NAV2: variants seen among roughly 807,000 people sequenced by gnomAD.
NAV2 encodes the protein helicase, APC down-regulated 1.
Under a neutral mutation model 223.2 loss-of-function variants are expected in NAV2, and 54 were observed. That is an observed-to-expected ratio of 0.24 (90% confidence interval 0.19 to 0.30). NAV2 has a LOEUF of 0.30. Among genes scored for constraint, NAV2 ranks in the 10% least tolerant of loss-of-function variants. The pLI is 1.00. For missense variants in NAV2, 2,806 were observed against 3,147.5 expected, an observed-to-expected ratio of 0.89 and a Z score of 2.60; for synonymous variants, 1,279 against 1,239.3, an observed-to-expected ratio of 1.03 and a Z score of -0.67.
At chr11:19,372,679 A>G (rs961824157) in intron 1 of NAV2, among the ~76,000 whole-genome samples, 9 of 152,162 alleles carry the variant, frequency 5.9e-5, no homozygotes, top group Non-Finnish European at 1.3e-4. Context: ...CTCCGCTCCA[A>G]AATCCTACCT....
chr11:20,029,185 G>A (rs183915101), intron 11 of NAV2, among the ~76,000 whole-genome samples: 9 of 152,280 alleles, frequency 5.9e-5, no homozygotes, highest in Admixed American at 1.3e-4. Flanking sequence ...AAGGACGTCC[G>A]TTGGAAAGGA....
At chr11:19,583,246 G>A (rs2045781220) in intron 1 of NAV2, among the ~76,000 whole-genome samples, 2 of 152,186 alleles carry the variant, frequency 1.3e-5, no homozygotes, top group Admixed American at 1.3e-4. Context: ...AGACTTTGCT[G>A]AAGTTGCTTA....
At chr11:19,852,164 G>T (rs931784570) in intron 3 of NAV2, among the ~76,000 whole-genome samples, 2 of 152,230 alleles carry the variant, frequency 1.3e-5, no homozygotes, top group Middle Eastern at 3.2e-3. Flanking sequence ...TAATACATCT[G>T]TATTGTTTTA....
chr11:19,881,559 C>A (rs1350521383), intron 5 of NAV2, among the ~76,000 whole-genome samples: 1 of 152,064 alleles, frequency 6.6e-6, no homozygotes, highest in Non-Finnish European at 1.5e-5. Context: ...CTATATGGCT[C>A]TCATTGTAGG....
At chr11:20,050,572 G>GAAA (rs1260684558) in intron 16 of NAV2, among the ~76,000 whole-genome samples, 2 of 70,122 alleles carry the variant, frequency 2.9e-5, no homozygotes, top group African/African-American at 9.0e-5. Context: ...TCTCCTGCCA[G>GAAA]AAAAAAAAAA....
chr11:19,763,791 GTTTTTTTT>G (rs762421034), intron 1 of NAV2, among the ~76,000 whole-genome samples: 4 of 126,152 alleles, frequency 3.2e-5, no homozygotes, highest in South Asian at 2.5e-4. Flanking sequence ...TTGTTTTTTT[GTTTTTTTT>G]GTTTTTTTTT....
At chr11:19,841,653 G>A (rs1213512697) in intron 2 of NAV2, among the ~76,000 whole-genome samples, 1 of 152,146 alleles carries the variant, frequency 6.6e-6, no homozygotes, top group Non-Finnish European at 1.5e-5. Context: ...TGAGGACAGA[G>A]GCCTGAGTGT....
intron 1 of NAV2, among the ~76,000 whole-genome samples, chr11:19,564,113 A>G (rs2045187154): frequency 6.6e-6 from 1 of 152,104 alleles, no homozygotes; most frequent in Non-Finnish European, 1.5e-5. Context: ...CTACCCCTCC[A>G]GGGAAGATGA....
chr11:19,521,791 C>G (rs569486026), intron 1 of NAV2, among the ~76,000 whole-genome samples: 1 of 152,172 alleles, frequency 6.6e-6, no homozygotes, highest in Non-Finnish European at 1.5e-5. Context: ...TGCCAACGGT[C>G]GCTCCAGCAG....
chr11:19,859,471 C>G (rs1432973168), intron 3 of NAV2, among the ~76,000 whole-genome samples: 2 of 148,292 alleles, frequency 1.3e-5, no homozygotes, highest in Admixed American at 6.8e-5. Flanking sequence ...GGTCACAGAT[C>G]AACAGGATCC....
At chr11:19,412,392 G>C (rs1850183141) in intron 1 of NAV2, among the ~76,000 whole-genome samples, 1 of 152,190 alleles carries the variant, frequency 6.6e-6, no homozygotes, top group African/African-American at 2.4e-5. Context: ...TCTGGGCAGG[G>C]CATCTCTGAA....
chr11:19,647,432 G>T (rs2047848773), intron 1 of NAV2, among the ~76,000 whole-genome samples: 1 of 152,092 alleles, frequency 6.6e-6, no homozygotes, highest in Non-Finnish European at 1.5e-5. Context: ...ATGAGCATCT[G>T]CTGGATGGTC....
intron 7 of NAV2, among the ~76,000 whole-genome samples, chr11:19,935,820 A>G (rs1461442459): frequency 7.1e-6 from 1 of 141,302 alleles, no homozygotes; most frequent in Non-Finnish European, 1.5e-5. Flanking sequence ...CAGCTGGTCT[A>G]CATACACGGC....
At chr11:19,699,817 CA>C (rs1187952064) in intron 1 of NAV2, among the ~76,000 whole-genome samples, 1 of 152,182 alleles carries the variant, frequency 6.6e-6, no homozygotes, top group African/African-American at 2.4e-5. Context: ...TCCTGGCCTG[CA>C]AAACTGCAAG....
intron 1 of NAV2, among the ~76,000 whole-genome samples, chr11:19,446,035 G>A (rs147931642): frequency 5.9e-4 from 90 of 152,278 alleles, no homozygotes; most frequent in Middle Eastern, 3.4e-3. Flanking sequence ...CAAAGCCCAA[G>A]TCATTTTGCT....
At chr11:19,743,854 A>ACC (rs150265722) in intron 1 of NAV2, among the ~76,000 whole-genome samples, 4,161 of 152,118 alleles carry the variant, frequency 0.027, 202 homozygotes, top group African/African-American at 0.096. Context: ...GTGTCTACTT[A>ACC]CCCCACTGGC....
At position 19,586,667 on chromosome 11, in the gene NAV2, A is replaced by G. The variant is rs187373303; in HGVS notation, c.75+235640A>G. ...CACTCCAGACCCTGTTTGCCTGGGT[A>G]TCAGCAGCAGAGGCTGCAGAACAGC... is the stretch of plus-strand genomic sequence containing the variant. On this transcript the variant is annotated intron_variant, in intron 1 of 37. Coordinates refer to the NAV2 transcript ENST00000360655. Among the ~76,000 whole-genome samples, 405 of 152,356 alleles carry G rather than the reference A, an allele frequency of 2.7e-3. 2 individuals are homozygous for G. Among genetic ancestry groups the G allele is most frequent in the African/African-American group, 9.4e-3 (391 of 41,586 alleles).
chr11:19,770,938 G>A (rs1364926818), intron 1 of NAV2, among the ~76,000 whole-genome samples: 1 of 152,164 alleles, frequency 6.6e-6, no homozygotes, highest in Non-Finnish European at 1.5e-5. Flanking sequence ...CACTCAAGAT[G>A]CCTGTATGCC....
At chr11:19,886,358 G>A (rs906724489) in intron 5 of NAV2, among the ~76,000 whole-genome samples, 18 of 152,326 alleles carry the variant, frequency 1.2e-4, no homozygotes, top group Admixed American at 2.0e-4. Flanking sequence ...GGGAGAAACC[G>A]TATGGCAGTG....
Sources: gnomAD v4.1 joint callset for allele counts (sites outside exome capture counted in the v4.1 genomes callset) on GRCh38, gnomAD v4.1.1 for gene constraint, MANE v1.5 for transcripts, NCBI Gene and HGNC (gene_info 2026-07-23, HGNC 2026-07-21) for gene names.